The following SYN3 variants were observed in gnomAD, a reference collection of about 807,000 sequenced individuals.
SYN3 encodes synapsin-3.
A neutral mutation model predicts 65.8 loss-of-function variants in SYN3; 35 were observed. The observed-to-expected ratio is 0.53, with a 90% CI of 0.41 to 0.70. The LOEUF is 0.70. Ranked by LOEUF, SYN3 falls within the 30% of genes least tolerant of loss-of-function variation. The pLI is 0.00. For missense variants in SYN3, 680 were observed against 749.0 expected (o/e 0.91, Z 1.08); for synonymous variants, 270 against 292.9 (o/e 0.92, Z 0.80).
chr22:32,907,378 T>C (rs1313088485), intron 4 of SYN3, among the ~76,000 whole-genome samples: 3 of 152,176 alleles, frequency 2.0e-5, no homozygotes, highest in African/African-American at 7.2e-5. Flanking sequence ...TCTAAACCCC[T>C]ACAGCATGCA....
chr22:32,976,804 G>A (rs1304150339), intron 3 of SYN3, among the ~76,000 whole-genome samples: 2 of 152,146 alleles, frequency 1.3e-5, no homozygotes, highest in East Asian at 1.9e-4. Context: ...GAGAAGGGGC[G>A]GAGGCTTCCT....
chr22:32,834,366 T>C (rs967363018), intron 6 of SYN3, among the ~76,000 whole-genome samples: 19 of 152,236 alleles, frequency 1.2e-4, no homozygotes, highest in Admixed American at 3.9e-4. Flanking sequence ...TTCCACCGTG[T>C]TGGCCAGGCT....
At chr22:32,513,908 G>T (rs924689344) in intron 13 of SYN3, 84 bp from the exon 14 acceptor site, 7 of 1,547,542 alleles carry the variant, frequency 4.5e-6, no homozygotes, top group Non-Finnish European at 5.3e-6. Context: ...CTGTAAGCCA[G>T]ATGGGCTACC....
intron 4 of SYN3, among the ~76,000 whole-genome samples, chr22:32,918,407 T>G (rs1035876422): frequency 1.3e-5 from 2 of 152,224 alleles, no homozygotes; most frequent in Non-Finnish European, 2.9e-5. Flanking sequence ...ATTGAGAACC[T>G]GATATGTGAT....
Position 32,509,926 on chromosome 22 carries a change from G to A in SYN3, c.*3766C>T, listed in dbSNP as rs1371526979. On this transcript the variant is annotated 3_prime_UTR_variant, in exon 14 of 14. Transcript: ENST00000358763. Reference sequence around the variant, plus strand: ...AAACTAGTGTTATGTCATGGATCTGGATATATGAGTATGGTTATAAAAATC... The same window carrying A: ...AAACTAGTGTTATGTCATGGATCTGAATATATGAGTATGGTTATAAAAATC... Among the ~76,000 whole-genome samples the A allele has an allele frequency of 6.6e-6, 1 of 152,112 alleles. No individual in the cohort carries two copies. The highest frequency in any genetic ancestry group is 2.4e-5 in the African/African-American group (1 of 41,426).
At chr22:32,685,384 T>C (rs1357778980) in intron 6 of SYN3, among the ~76,000 whole-genome samples, 1 of 152,230 alleles carries the variant, frequency 6.6e-6, no homozygotes, top group African/African-American at 2.4e-5. Flanking sequence ...CTCAGAAATA[T>C]AGTCATGTGC....
chr22:32,742,830 C>G (rs142711773), intron 6 of SYN3, among the ~76,000 whole-genome samples: 12 of 152,164 alleles, frequency 7.9e-5, no homozygotes, highest in African/African-American at 2.7e-4. Flanking sequence ...CGTCTTATCA[C>G]GCCATTAATA....
chr22:32,750,040 A>C (rs1397803033), intron 6 of SYN3, among the ~76,000 whole-genome samples: 2 of 152,192 alleles, frequency 1.3e-5, no homozygotes, highest in Non-Finnish European at 2.9e-5. Flanking sequence ...TCTTTTACAA[A>C]TTCATTCTGT....
chr22:33,016,240 G>A (rs533575868), intron 1 of SYN3, among the ~76,000 whole-genome samples: 1 of 152,240 alleles, frequency 6.6e-6, no homozygotes, highest in Admixed American at 6.5e-5. Context: ...ACATATTCAA[G>A]GTTCACTACA....
chr22:32,840,219 A>G (rs925726320), intron 6 of SYN3, among the ~76,000 whole-genome samples: 1 of 152,204 alleles, frequency 6.6e-6, no homozygotes, highest in Non-Finnish European at 1.5e-5. Context: ...AGCCACAGGC[A>G]TTCATTTCTT....
chr22:32,605,923 G>A (rs942223967), intron 6 of SYN3, among the ~76,000 whole-genome samples: 1 of 152,212 alleles, frequency 6.6e-6, no homozygotes, highest in Non-Finnish European at 1.5e-5. Flanking sequence ...CTGTGACTCA[G>A]TTTCCTCATG....
intron 9 of SYN3, among the ~76,000 whole-genome samples, chr22:32,537,554 A>C (rs1373263160): frequency 6.6e-6 from 1 of 152,168 alleles, no homozygotes; most frequent in Non-Finnish European, 1.5e-5. Flanking sequence ...TGCATGATTC[A>C]TGGGACGTCA....
intron 2 of SYN3, among the ~76,000 whole-genome samples, chr22:32,983,483 A>C (rs1222075826): frequency 6.6e-6 from 1 of 152,192 alleles, no homozygotes; most frequent in African/African-American, 2.4e-5. Flanking sequence ...GGTGGAGTTA[A>C]TCTCTTCCCA....
At chr22:32,959,280 T>C (rs1441536671) in intron 3 of SYN3, among the ~76,000 whole-genome samples, 5 of 152,106 alleles carry the variant, frequency 3.3e-5, no homozygotes, top group Non-Finnish European at 5.9e-5. Flanking sequence ...TTGCTCCTCC[T>C]TGCCTTCCAT....
chr22:32,795,412 T>C (rs1388330810), intron 6 of SYN3, among the ~76,000 whole-genome samples: 2 of 152,174 alleles, frequency 1.3e-5, no homozygotes, highest in Non-Finnish European at 2.9e-5. Context: ...TGAGTGATGA[T>C]GTCATCCTTC....
intron 6 of SYN3, among the ~76,000 whole-genome samples, chr22:32,610,430 G>A (rs191995249): frequency 6.6e-6 from 1 of 152,200 alleles, no homozygotes; most frequent in East Asian, 1.9e-4. Flanking sequence ...CATTTCCCTG[G>A]AGCCCCTTCC....
At chr22:32,860,381 A>G (rs528325996) in intron 6 of SYN3, 1 of 152,786 alleles carries the variant, frequency 6.5e-6, no homozygotes, top group Admixed American at 6.5e-5. Flanking sequence ...ATGTTTGTAT[A>G]CACATTTGCA....
chr22:32,944,065 A>G (rs2051028826), intron 3 of SYN3, among the ~76,000 whole-genome samples: 1 of 152,234 alleles, frequency 6.6e-6, no homozygotes, highest in African/African-American at 2.4e-5. Flanking sequence ...AAGGATATCC[A>G]GGAATTGAAC....
chr22:32,964,291 G>A, intron 3 of SYN3, among the ~76,000 whole-genome samples: 1 of 112,494 alleles, frequency 8.9e-6, no homozygotes, highest in Non-Finnish European at 1.7e-5. Context: ...GGGGTGGGGG[G>A]AGGGGGGAGG....
Sources: allele counts gnomAD v4.1 joint callset (sites outside exome capture counted in the v4.1 genomes callset), GRCh38; gene constraint gnomAD v4.1.1; transcripts MANE v1.5; gene names NCBI Gene and HGNC (gene_info 2026-07-23, HGNC 2026-07-21).